CDH4: variants seen among roughly 807,000 people sequenced by gnomAD.
The protein encoded by CDH4 is cadherin-4.
CDH4 carries 33 observed loss-of-function variants against 86.0 expected under a neutral mutation model. The observed-to-expected ratio is 0.38, with a 90% confidence interval of 0.29 to 0.51. The LOEUF (loss-of-function observed/expected upper bound fraction) is 0.51, where lower values mean the gene tolerates loss of function less well. Ranked by LOEUF, CDH4 falls within the 20% of genes least tolerant of loss-of-function variation. The probability of loss-of-function intolerance (pLI) is 0.86; values close to 1 mark genes in which losing one functional copy is unlikely to be tolerated. For missense variants in CDH4, 1,114 were observed against 1,307.4 expected (o/e 0.85, Z 2.28); for synonymous variants, 555 against 549.4 (o/e 1.01, Z -0.14).
chr20:61,749,152 T>C (rs1466864361), intron 3 of CDH4, among the ~76,000 whole-genome samples: 1 of 152,198 alleles, frequency 6.6e-6, no homozygotes, highest in Non-Finnish European at 1.5e-5. Context: ...TTCGTAATGA[T>C]AAATAATTCA....
intron 2 of CDH4, among the ~76,000 whole-genome samples, chr20:61,556,405 G>A (rs993388822): frequency 1.3e-5 from 2 of 152,158 alleles, no homozygotes; most frequent in African/African-American, 4.8e-5. Context: ...AGTCCTCCAG[G>A]CAGAGGAACT....
chr20:61,636,816 C>T (rs750808578), intron 2 of CDH4, among the ~76,000 whole-genome samples: 11 of 152,190 alleles, frequency 7.2e-5, no homozygotes, highest in East Asian at 5.8e-4. Context: ...TCCACAGGGG[C>T]GGTAGAATGC....
At chr20:61,602,503 TAATAAC>T (rs1003207924) in intron 2 of CDH4, among the ~76,000 whole-genome samples, 1 of 151,870 alleles carries the variant, frequency 6.6e-6, no homozygotes, top group Non-Finnish European at 1.5e-5. Context: ...AAATCAATAA[TAATAAC>T]AGTAAAAATA....
At chr20:61,554,807 T>C (rs868688972) in intron 2 of CDH4, among the ~76,000 whole-genome samples, 7 of 152,268 alleles carry the variant, frequency 4.6e-5, no homozygotes, top group South Asian at 4.1e-4. Context: ...TGCACATGTA[T>C]GCACATGCGT....
Position 61,516,517 on chromosome 20 carries a change from AGGTTCTCACCGCCCT to A in CDH4, c.170-227043_170-227029del, listed in dbSNP as rs1392003628. ...TGTCCATGTTGGGGAGTCTAACGGC[AGGTTCTCACCGCCCT>A]GGAAACTACATCTGCCTCAGACCTG... On this transcript the variant is annotated intron_variant, in intron 2 of 15. Coordinates refer to ENST00000614565, the MANE Select transcript of CDH4 (RefSeq NM_001794.5). This position sits in a 1 kb window ranked among gnomAD's most constrained non-coding sequence, Gnocchi z 4.0. 2.0e-5 allele frequency among the ~76,000 whole-genome samples: 3 copies of A among 152,188 alleles called. No homozygotes were observed. Among genetic ancestry groups the A allele is most frequent in the Non-Finnish European group, 4.4e-5 (3 of 68,024 alleles).
intron 12 of CDH4, 59 bp downstream of exon 12, chr20:61,928,482 A>G: frequency 6.8e-7 from 1 of 1,473,890 alleles, no homozygotes; most frequent in African/African-American, 1.4e-5. Flanking sequence ...GGCCCCTGGG[A>G]GACCCAGCTG....
chr20:61,757,241 C>CT (rs1347846550), intron 3 of CDH4, among the ~76,000 whole-genome samples: 1 of 152,150 alleles, frequency 6.6e-6, no homozygotes, highest in African/African-American at 2.4e-5. Context: ...AGACCCCCCC[C>CT]CCAGCCCCCT....
At chr20:61,831,020 G>A (rs1981581232) in intron 4 of CDH4, among the ~76,000 whole-genome samples, 1 of 152,154 alleles carries the variant, frequency 6.6e-6, no homozygotes, top group African/African-American at 2.4e-5. Flanking sequence ...AAGAACTCTG[G>A]GAAAGAGGGC....
At chr20:61,584,400 T>C (rs1373061214) in intron 2 of CDH4, among the ~76,000 whole-genome samples, 6 of 152,182 alleles carry the variant, frequency 3.9e-5, no homozygotes, top group African/African-American at 1.2e-4. Flanking sequence ...ATCCCTGCCC[T>C]TTCTGCTCAT....
intron 2 of CDH4, among the ~76,000 whole-genome samples, chr20:61,587,614 C>A (rs2086488462): frequency 6.6e-6 from 1 of 152,102 alleles, no homozygotes; most frequent in Admixed American, 6.5e-5. Flanking sequence ...CCTTCCCCAG[C>A]TGACCCCATA....
chr20:61,678,759 A>G (rs564975301), intron 2 of CDH4, among the ~76,000 whole-genome samples: 29 of 152,274 alleles, frequency 1.9e-4, no homozygotes, highest in East Asian at 1.2e-3. Flanking sequence ...CAGTGGCTTG[A>G]GGAAGCCTCA....
At chr20:61,763,479 C>T (rs2088662211) in intron 3 of CDH4, among the ~76,000 whole-genome samples, 1 of 152,232 alleles carries the variant, frequency 6.6e-6, no homozygotes, top group Non-Finnish European at 1.5e-5. Context: ...AGCCGGTGCT[C>T]AGTTCAGGAT....
intron 2 of CDH4, among the ~76,000 whole-genome samples, chr20:61,486,794 C>G (rs949772369): frequency 3.3e-5 from 5 of 152,096 alleles, no homozygotes; most frequent in African/African-American, 1.2e-4. Context: ...GAGGCTGAAG[C>G]AGGAGTATCA....
At chr20:61,613,266 C>T (rs1384478557) in intron 2 of CDH4, among the ~76,000 whole-genome samples, 1 of 152,090 alleles carries the variant, frequency 6.6e-6, no homozygotes, top group Non-Finnish European at 1.5e-5. Flanking sequence ...CGTTTAAAGA[C>T]CAGAGAGACA....
At position 61,379,512 on chromosome 20, in the gene CDH4, T is replaced by C. The variant is rs572534374; in HGVS notation, c.169+124575T>C. ...GAAGTCCTGAAGGTCATTAAGAAAA[T>C]TCAGAACCTCATCTTCCCAAGCCAG... On this transcript the variant is annotated intron_variant, in intron 2 of 15. Coordinates refer to ENST00000614565, the MANE Select transcript of CDH4 (RefSeq NM_001794.5). Among the ~76,000 whole-genome samples the C allele has an allele frequency of 2.6e-5, 4 of 152,186 alleles. No homozygotes were observed. The South Asian group carries it at 8.3e-4, about 32-fold the overall frequency.
intron 2 of CDH4, among the ~76,000 whole-genome samples, chr20:61,490,999 C>G: frequency 6.6e-6 from 1 of 152,316 alleles, no homozygotes; most frequent in South Asian, 2.1e-4. Flanking sequence ...CTCGCCCACA[C>G]TGGATACCAA....
At chr20:61,534,947 G>A (rs12053594) in intron 2 of CDH4, among the ~76,000 whole-genome samples, 3 of 151,936 alleles carry the variant, frequency 2.0e-5, no homozygotes, top group Middle Eastern at 3.4e-3. Context: ...CAGTGGCAGA[G>A]ATGCCTGCTC....
At position 61,924,244 on chromosome 20, in the gene CDH4, G is replaced by A; in HGVS notation, c.1629-90G>A. 1.1e-5 allele frequency: 15 copies of A among 1,321,246 alleles called. 2 individuals are homozygous for A. The South Asian group carries it at 2.0e-4, about 18-fold the overall frequency. The allele number at this position is 1,321,246 out of a possible 1,614,324, so 81.8% of individuals were successfully genotyped here. On this transcript the variant is annotated intron_variant, in intron 10 of 15. Coordinates refer to ENST00000614565, the MANE Select transcript of CDH4 (RefSeq NM_001794.5). The stretch of plus-strand genomic sequence containing the variant: ...GACAGAGACACTGGCCCAGGCCCAG[G>A]CCCTGGAGGTGTGGCCAAGGAGGCC...
At chr20:61,837,833 A>G (rs1981950882) in intron 4 of CDH4, among the ~76,000 whole-genome samples, 1 of 151,704 alleles carries the variant, frequency 6.6e-6, no homozygotes, top group African/African-American at 2.4e-5. Context: ...CCTCCTCCTC[A>G]TGCTCTGGAA....
Sources: allele counts gnomAD v4.1 joint callset (sites outside exome capture counted in the v4.1 genomes callset), GRCh38; gene constraint gnomAD v4.1.1; non-coding constraint Gnocchi (gnomAD v3.1); transcripts MANE v1.5; gene names NCBI Gene and HGNC (gene_info 2026-07-23, HGNC 2026-07-21).